The following GIGYF2 variants were observed in gnomAD, a reference collection of about 807,000 sequenced individuals.
GIGYF2 encodes the protein GRB10 interacting GYF protein 2.
A neutral mutation model predicts 208.1 loss-of-function variants in GIGYF2; 25 were observed. The ratio of observed to expected loss-of-function variants is 0.12; its 90% CI spans 0.09 to 0.17. The LOEUF (loss-of-function observed/expected upper bound fraction) is 0.17. Ranked by LOEUF, GIGYF2 falls within the 10% of genes least tolerant of loss-of-function variation. The probability of loss-of-function intolerance (pLI) is 1.00; values close to 1 mark genes in which losing one functional copy is unlikely to be tolerated. For missense variants in GIGYF2, 1,302 were observed against 1,579.4 expected (o/e 0.82, Z 2.98); for synonymous variants, 534 against 543.8 (o/e 0.98, Z 0.25).
At chr2:232,698,819 G>A (rs919077937) in intron 1 of GIGYF2, among the ~76,000 whole-genome samples, 1 of 152,210 alleles carries the variant, frequency 6.6e-6, no homozygotes, top group African/African-American at 2.4e-5. Flanking sequence ...AGAAAGGAGA[G>A]GGCTTCATGA....
intron 21 of GIGYF2, among the ~76,000 whole-genome samples, chr2:232,823,739 T>G (rs1189066487): frequency 6.6e-6 from 1 of 152,222 alleles, no homozygotes; most frequent in Non-Finnish European, 1.5e-5. Flanking sequence ...ACTTTCATTG[T>G]TTTCCGAAAA....
intron 12 of GIGYF2, among the ~76,000 whole-genome samples, chr2:232,792,208 G>A (rs283470): frequency 0.64 from 97,985 of 151,968 alleles, 31,929 homozygotes; most frequent in South Asian, 0.78. Flanking sequence ...TCTAGGATTC[G>A]TACCTTAGCA....
Position 232,817,700 on chromosome 2 carries a change from G to A in GIGYF2, c.2370+668G>A, listed in dbSNP as rs548540942. ...TTTATTCATATTGTAGCATATATCT[G>A]AATTTCCTTTCTTAAAAAGGTTGAA... On this transcript the variant is annotated intron_variant, in intron 20 of 28. Coordinates refer to ENST00000373563, the MANE Select transcript of GIGYF2 (RefSeq NM_001103146.3). Among the ~76,000 whole-genome samples the A allele has an allele frequency of 2.0e-5, 3 of 152,280 alleles. No individual in the cohort carries two copies. In the East Asian group the frequency reaches 5.8e-4, roughly 29 times the overall value.
intron 6 of GIGYF2, among the ~76,000 whole-genome samples, chr2:232,759,063 G>T (rs967152928): frequency 4.6e-5 from 7 of 152,090 alleles, no homozygotes; most frequent in Non-Finnish European, 7.4e-5. Context: ...CGTCAAGAGG[G>T]TATCCATTGT....
Position 232,791,422 on chromosome 2 carries a change from G to T in GIGYF2, c.1258G>T (p.Ala420Ser). 6.2e-7 allele frequency: 1 copy of T among 1,613,910 alleles called. No individual in the cohort carries two copies. Among genetic ancestry groups the T allele is most frequent in the Non-Finnish European group, 8.5e-7 (1 of 1,179,928 alleles). The change falls in exon 12 of 29, where the codon GCC becomes TCC. Residue 420 changes from alanine to serine, a missense_variant. Physicochemically the swap from Ala to Ser is moderately conservative, Grantham distance 99 (BLOSUM62 1). Around this residue, in one of 8 missense-constraint regions of GIGYF2, gnomAD observed 235 missense variants for 218.8 expected, o/e 1.07. Coordinates refer to ENST00000373563, the MANE Select transcript of GIGYF2 (RefSeq NM_001103146.3). ...GACTCGGATGGAAAATAGTCTACCA[G>T]CCAAAGTGCCCAGCAGAGGGGATGG... ...EETRMENSLP[A>S]KVPSRGDEMV...
intron 8 of GIGYF2, chr2:232,768,011 A>T: frequency 1.6e-6 from 1 of 619,370 alleles, no homozygotes; most frequent in South Asian, 2.0e-5. Flanking sequence ...TGTAATGTAG[A>T]GTGTTATGTT....
chr2:232,834,230 C>T (rs917474596), intron 22 of GIGYF2, among the ~76,000 whole-genome samples: 2 of 152,076 alleles, frequency 1.3e-5, no homozygotes, highest in African/African-American at 4.8e-5. Flanking sequence ...GACACATAAA[C>T]AGGCAAGTAG....
chr2:232,796,838 T>C (rs1574895474), intron 14 of GIGYF2, among the ~76,000 whole-genome samples: 1 of 152,072 alleles, frequency 6.6e-6, no homozygotes, highest in Non-Finnish European at 1.5e-5. Context: ...GCAGCCTGGG[T>C]GACAGAGTGA....
In GIGYF2 at chr2:232,787,545, C is replaced by CA. The variant is rs1699953400; in HGVS notation, c.712+219dup. 8.5e-5 allele frequency among the ~76,000 whole-genome samples: 13 copies of CA among 152,132 alleles called. No individual in the cohort carries two copies. In the South Asian group the frequency reaches 2.7e-3, roughly 32 times the overall value. ...AAATCACTTTTCTATTTTTCTGGGG[C>CA]AAATAGTGTAGTTTAATGGGAAGCA... On this transcript the variant is annotated intron_variant, in intron 9 of 28. Coordinates refer to ENST00000373563, the MANE Select transcript of GIGYF2 (RefSeq NM_001103146.3).
At chr2:232,816,025 T>C (rs1470411396) in intron 19 of GIGYF2, 9 of 387,638 alleles carry the variant, frequency 2.3e-5, no homozygotes, top group Admixed American at 8.1e-5. Flanking sequence ...ACATTTGTTA[T>C]AAGTAACAAG....
At position 232,832,997 on chromosome 2, in the gene GIGYF2, G is replaced by C; in HGVS notation, c.2670G>C (p.Gln890His). The C allele has an allele frequency of 6.4e-7, 1 of 1,573,596 alleles. No homozygotes were observed. The highest frequency in any genetic ancestry group is 8.6e-7 in the Non-Finnish European group (1 of 1,159,128). The change falls in exon 22 of 29, where the codon CAG becomes CAC. Residue 890 changes from glutamine to histidine, a missense_variant. Around this residue, in one of 8 missense-constraint regions of GIGYF2, gnomAD observed 701 missense variants for 793.0 expected, o/e 0.88. Transcript: ENST00000373563. ...GGAAGAGAAAGGAGCTGGAGGTCCA[G>C]CGGCAGAAGGAGTTAATGCGCCAGA... ...EERKRKELEV[Q>H]RQKELMRQRQ...
intron 2 of GIGYF2, among the ~76,000 whole-genome samples, chr2:232,716,642 C>T (rs1286670714): frequency 6.6e-6 from 1 of 152,062 alleles, no homozygotes; most frequent in East Asian, 1.9e-4. Flanking sequence ...CTTGGCCTCC[C>T]AAAGTGCTGG....
intron 8 of GIGYF2, among the ~76,000 whole-genome samples, chr2:232,781,319 CACAA>C (rs1699713968): frequency 6.6e-6 from 1 of 151,290 alleles, no homozygotes; most frequent in Admixed American, 6.6e-5. Flanking sequence ...CACACACACA[CACAA>C]CTTATAAAGA....
At chr2:232,811,694 A>G (rs1574912389) in intron 17 of GIGYF2, among the ~76,000 whole-genome samples, 1 of 152,310 alleles carries the variant, frequency 6.6e-6, no homozygotes, top group East Asian at 1.9e-4. Context: ...TATTAGCCAC[A>G]CCACAAAAGG....
intron 5 of GIGYF2, among the ~76,000 whole-genome samples, chr2:232,754,968 C>T (rs955002817): frequency 6.6e-6 from 1 of 151,394 alleles, no homozygotes; most frequent in Admixed American, 6.6e-5. Flanking sequence ...TCTGAAAAAA[C>T]TAGCTAGGAG....
At chr2:232,848,858 A>G (rs1702104545) in intron 27 of GIGYF2, among the ~76,000 whole-genome samples, 1 of 152,152 alleles carries the variant, frequency 6.6e-6, no homozygotes, top group African/African-American at 2.4e-5. Context: ...CACTACAAGT[A>G]TTCATTTTGG....
At chr2:232,769,837 A>G (rs1699157065) in intron 8 of GIGYF2, among the ~76,000 whole-genome samples, 1 of 152,208 alleles carries the variant, frequency 6.6e-6, no homozygotes, top group Non-Finnish European at 1.5e-5. Context: ...ATGTTATTAT[A>G]GTACTATATG....
rs142104796 is a variant in GIGYF2, at chr2:232,733,526, C to A, written c.-43-1629C>A. ...ATTTGTAGTTTATTATTTTTTAGAT[C>A]ATTTAAACAGAGGCAACAGGGTGAT... On this transcript the variant is annotated intron_variant, in intron 2 of 28. Transcript: ENST00000373563. 2.0e-3 allele frequency among the ~76,000 whole-genome samples: 308 copies of A among 152,228 alleles called. 1 individual carries two copies. The highest frequency in any genetic ancestry group is 3.1e-3 in the Non-Finnish European group (209 of 68,018).
chr2:232,796,479 T>A (rs1700226862), intron 14 of GIGYF2, among the ~76,000 whole-genome samples: 1 of 152,236 alleles, frequency 6.6e-6, no homozygotes. Flanking sequence ...TATTGAATGT[T>A]TCCTTTGTGT....
Sources: allele counts gnomAD v4.1 joint callset (sites outside exome capture counted in the v4.1 genomes callset), GRCh38; gene constraint gnomAD v4.1.1; regional missense constraint gnomAD v4.1.1; transcripts MANE v1.5; gene names NCBI Gene and HGNC (gene_info 2026-07-23, HGNC 2026-07-21).